The following PAFAH1B1 variants were observed in gnomAD, a reference collection of about 807,000 sequenced individuals.
PAFAH1B1 encodes the protein platelet activating factor acetylhydrolase 1b regulatory subunit 1, also known as platelet-activating factor acetylhydrolase IB subunit beta.
Under a neutral mutation model 57.5 loss-of-function variants are expected in PAFAH1B1, and 2 were observed. That is an observed-to-expected ratio of 0.03 (90% CI 0.01 to 0.11). PAFAH1B1 has a LOEUF of 0.11. Ranked by LOEUF, PAFAH1B1 falls within the 10% of genes least tolerant of loss-of-function variation. PAFAH1B1 has a pLI of 1.00. For missense variants in PAFAH1B1, 257 were observed against 512.0 expected (o/e 0.50, Z 4.81); for synonymous variants, 152 against 169.6 (o/e 0.90, Z 0.81).
chr17:2,678,570 A>G (rs190656411), intron 9 of PAFAH1B1, among the ~76,000 whole-genome samples: 57 of 150,900 alleles, frequency 3.8e-4, no homozygotes, highest in East Asian at 2.2e-3. Flanking sequence ...TGTCTCCAGG[A>G]AAAAAAAAGA....
At chr17:2,672,285 CAA>C (rs35332619) in intron 6 of PAFAH1B1, among the ~76,000 whole-genome samples, 586 of 69,526 alleles carry the variant, frequency 8.4e-3, no homozygotes, top group African/African-American at 0.038. Context: ...CCTTGCCTCA[CAA>C]AAAAAAAAAA....
At chr17:2,626,553 TCC>T (rs764519686) in intron 1 of PAFAH1B1, among the ~76,000 whole-genome samples, 691 of 32,626 alleles carry the variant, frequency 0.021, 66 homozygotes, top group Non-Finnish European at 0.027. Context: ...TCACCTTTCT[TCC>T]CCCCCCCCCC....
chr17:2,595,934 T>C (rs1305866572), intron 1 of PAFAH1B1, among the ~76,000 whole-genome samples: 1 of 152,156 alleles, frequency 6.6e-6, no homozygotes, highest in Non-Finnish European at 1.5e-5. Context: ...GAAGACTGGG[T>C]GGAGTAAGGG....
chr17:2,633,270 C>G (rs2068578302), intron 1 of PAFAH1B1, among the ~76,000 whole-genome samples: 1 of 151,504 alleles, frequency 6.6e-6, no homozygotes, highest in Non-Finnish European at 1.5e-5. Context: ...TGGGTTCCAG[C>G]ACTTCTCCTC....
intron 9 of PAFAH1B1, among the ~76,000 whole-genome samples, chr17:2,679,079 C>T (rs953237958): frequency 1.3e-5 from 2 of 152,190 alleles, no homozygotes; most frequent in African/African-American, 2.4e-5. Context: ...TTCAACTGTG[C>T]AGTTCTAAGC....
At chr17:2,660,501 G>T (rs547048319) in intron 2 of PAFAH1B1, among the ~76,000 whole-genome samples, 2 of 152,284 alleles carry the variant, frequency 1.3e-5, no homozygotes, top group East Asian at 1.9e-4. Flanking sequence ...AGAGCATGCG[G>T]TGCTTGGTTT....
chr17:2,609,805 C>G (rs911789217), intron 1 of PAFAH1B1, among the ~76,000 whole-genome samples: 2 of 151,858 alleles, frequency 1.3e-5, no homozygotes, highest in African/African-American at 4.8e-5. Flanking sequence ...CCACCGCGCC[C>G]GGCTGAAACG....
rs1459912224 is a variant in PAFAH1B1, at chr17:2,672,772, T to C, written c.671+15T>C. The C allele has an allele frequency of 7.2e-6, 11 of 1,531,114 alleles. No homozygotes were observed. The Middle Eastern group carries it at 1.1e-3, about 149-fold the overall frequency. The allele number at this position is 1,531,114 out of a possible 1,614,324, so 94.8% of individuals were successfully genotyped here. ...GTGCAAACTGGGTAAGTAAGTTTAG[T>C]TGAAAAGGCATCAGCGGCCAGGTGC... On this transcript the variant is annotated intron_variant, in intron 7 of 10. Transcript: ENST00000397195.
At chr17:2,622,188 C>T (rs552302100) in intron 1 of PAFAH1B1, among the ~76,000 whole-genome samples, 1 of 152,232 alleles carries the variant, frequency 6.6e-6, no homozygotes, top group East Asian at 1.9e-4. Context: ...CCCCTGGTCC[C>T]TCCATATCTC....
chr17:2,672,286 A>C (rs900262645), intron 6 of PAFAH1B1, among the ~76,000 whole-genome samples: 2 of 12,644 alleles, frequency 1.6e-4, no homozygotes, highest in African/African-American at 2.9e-4. Flanking sequence ...CTTGCCTCAC[A>C]AAAAAAAAAA....
chr17:2,625,723 A>C (rs149778039), intron 1 of PAFAH1B1, among the ~76,000 whole-genome samples: 36 of 152,214 alleles, frequency 2.4e-4, no homozygotes, highest in African/African-American at 7.9e-4. Flanking sequence ...CCCAGGAATT[A>C]AAGACCAGCC....
intron 1 of PAFAH1B1, 127 bp downstream of exon 1, chr17:2,594,133 T>G: frequency 2.6e-6 from 1 of 382,488 alleles, no homozygotes. Flanking sequence ...CCCCTCCCCC[T>G]GCCTCCGCCG....
At chr17:2,629,830 T>C (rs994416694) in intron 1 of PAFAH1B1, among the ~76,000 whole-genome samples, 1 of 152,248 alleles carries the variant, frequency 6.6e-6, no homozygotes, top group Non-Finnish European at 1.5e-5. Context: ...TTTACTATTA[T>C]ATAACGTCCC....
chr17:2,636,408 C>T (rs146676219), intron 1 of PAFAH1B1, among the ~76,000 whole-genome samples: 103 of 152,272 alleles, frequency 6.8e-4, no homozygotes, highest in African/African-American at 2.4e-3. Flanking sequence ...GTTGCCATAG[C>T]GAGCACCTGA....
At chr17:2,626,574 G>A (rs1567534795) in intron 1 of PAFAH1B1, among the ~76,000 whole-genome samples, 1 of 28,182 alleles carries the variant, frequency 3.5e-5, no homozygotes, top group Non-Finnish European at 7.7e-5. Flanking sequence ...CCCCCCCCGA[G>A]GCGGAGTCTT....
At chr17:2,666,555 T>A (rs1358991789) in intron 4 of PAFAH1B1, among the ~76,000 whole-genome samples, 1 of 152,180 alleles carries the variant, frequency 6.6e-6, no homozygotes, top group South Asian at 2.1e-4. Flanking sequence ...CATATAAAGC[T>A]CTTAGAAAAA....
At position 2,680,055 on chromosome 17, in the gene PAFAH1B1, C is replaced by T; in HGVS notation, c.1003-109C>T. The T allele has an allele frequency of 5.0e-6, 5 of 993,608 alleles. No homozygotes were observed. The South Asian group carries it at 6.7e-5, about 13-fold the overall frequency. The allele number at this position is 993,608 out of a possible 1,614,324, so 61.5% of individuals were successfully genotyped here. A position where few individuals can be genotyped will look rare whatever the true frequency, so the allele number is the denominator to read the frequency against. On this transcript the variant is annotated intron_variant, in intron 9 of 10. Coordinates refer to ENST00000397195, the MANE Select transcript of PAFAH1B1 (RefSeq NM_000430.4). ...CTAGAATCCCCTAGACTTTTATTTT[C>T]TTCTGGTCTTTTGATGTTTTTGGTA...
In PAFAH1B1 at chr17:2,673,361, C is replaced by T. The variant is rs537360618; in HGVS notation, c.671+604C>T. 1.7e-4 allele frequency among the ~76,000 whole-genome samples: 26 copies of T among 152,152 alleles called. No individual in the cohort carries two copies. The South Asian group carries it at 4.4e-3, about 25-fold the overall frequency. On this transcript the variant is annotated intron_variant, in intron 7 of 10. Transcript: ENST00000397195. Reference sequence around the variant, plus strand: ...AATTAAAGTGTAAATAATCTTTGGCCGGGCGCGGTGGCTCACGCCTGTAAT... The same window carrying T: ...AATTAAAGTGTAAATAATCTTTGGCTGGGCGCGGTGGCTCACGCCTGTAAT...
At position 2,602,537 on chromosome 17, in the gene PAFAH1B1, A is replaced by G. The variant is rs2151609300; in HGVS notation, c.-191+8531A>G. ...ATATTTGTTGAGTTAGTCCCCTTCT[A>G]TCCATACTTACCATTACTACTACTA... On this transcript the variant is annotated intron_variant, in intron 1 of 10. Coordinates refer to ENST00000397195, the MANE Select transcript of PAFAH1B1 (RefSeq NM_000430.4). Among the ~76,000 whole-genome samples, 4 of 152,186 alleles carry G rather than the reference A, an allele frequency of 2.6e-5. 1 individual carries two copies. In the Middle Eastern group the frequency reaches 0.014, roughly 518 times the overall value.
Sources: allele counts gnomAD v4.1 joint callset (sites outside exome capture counted in the v4.1 genomes callset), GRCh38; gene constraint gnomAD v4.1.1; transcripts MANE v1.5; gene names NCBI Gene and HGNC (gene_info 2026-07-23, HGNC 2026-07-21).